Variants in NEO1 observed in about 807,000 individuals in gnomAD.
The protein encoded by NEO1 is neogenin.
A neutral mutation model predicts 159.7 loss-of-function variants in NEO1; 63 were observed. The observed-to-expected ratio is 0.39, with a 90% CI of 0.32 to 0.49. The LOEUF is 0.49. NEO1 is among the 20% of genes least tolerant of loss of function. NEO1 has a pLI of 0.85. For missense variants in NEO1, 1,615 were observed against 1,831.0 expected, an observed-to-expected ratio of 0.88 and a Z score of 2.15; for synonymous variants, 633 against 662.0, an observed-to-expected ratio of 0.96 and a Z score of 0.67.
intron 13 of NEO1, among the ~76,000 whole-genome samples, chr15:73,258,028 A>G (rs2040450243): frequency 6.6e-6 from 1 of 152,198 alleles, no homozygotes; most frequent in Non-Finnish European, 1.5e-5. Context: ...TTAGCTAACC[A>G]AACCAGGGCT....
chr15:73,257,132 C>CAATAAA (rs2040396915), intron 13 of NEO1, among the ~76,000 whole-genome samples: 1 of 54,768 alleles, frequency 1.8e-5, no homozygotes, highest in African/African-American at 5.8e-5. Flanking sequence ...ACTCTGTCTC[C>CAATAAA]AAAAAAAAAA....
intron 7 of NEO1, among the ~76,000 whole-genome samples, chr15:73,218,483 A>T (rs1453694811): frequency 6.6e-6 from 1 of 152,074 alleles, no homozygotes; most frequent in African/African-American, 2.4e-5. Flanking sequence ...ATTGATTGGA[A>T]TAGTTTCAGA....
intron 1 of NEO1, among the ~76,000 whole-genome samples, chr15:73,094,996 G>A (rs1303344435): frequency 6.6e-6 from 1 of 152,092 alleles, no homozygotes; most frequent in Non-Finnish European, 1.5e-5. Context: ...GGATCACGAG[G>A]TCAAGAGATT....
chr15:73,304,121 C>G lies in NEO1; in HGVS notation c.*1425C>G, dbSNP rs552135842. The G allele has an allele frequency of 2.0e-5, 3 of 152,308 alleles. No homozygotes were observed. Among genetic ancestry groups the G allele is most frequent in the South Asian group, 2.1e-4 (1 of 4,820 alleles). 9.4% of individuals were successfully genotyped at this position (152,308 alleles called of 1,614,324 possible). On this transcript the variant is annotated 3_prime_UTR_variant, in exon 29 of 29. Transcript: ENST00000261908. ...AGCGGAAACAGCTGCCCACCCCCCC[C>G]ATCCCAGCAGCTCAGCTAAGCCCTG...
intron 5 of NEO1, among the ~76,000 whole-genome samples, chr15:73,175,153 A>G (rs2035210393): frequency 6.6e-6 from 1 of 152,202 alleles, no homozygotes; most frequent in Non-Finnish European, 1.5e-5. Context: ...GTCTCTACTC[A>G]CATACAAGCA....
chr15:73,154,655 T>A (rs991805377), intron 5 of NEO1, among the ~76,000 whole-genome samples: 6 of 152,228 alleles, frequency 3.9e-5, no homozygotes, highest in African/African-American at 1.4e-4. Flanking sequence ...TTATCTGATA[T>A]GAGCGTAGCT....
At chr15:73,131,929 G>A (rs1311750250) in intron 4 of NEO1, among the ~76,000 whole-genome samples, 2 of 152,148 alleles carry the variant, frequency 1.3e-5, no homozygotes, top group Admixed American at 1.3e-4. Flanking sequence ...CTATCTTTCT[G>A]AAATATTTTT....
intron 14 of NEO1, 148 bp downstream of exon 14, chr15:73,259,024 G>A (rs944563822): frequency 4.9e-5 from 31 of 629,144 alleles, no homozygotes; most frequent in South Asian, 1.9e-4. Context: ...GTATTGCATC[G>A]AGGCTGCTGG....
intron 1 of NEO1, among the ~76,000 whole-genome samples, chr15:73,065,598 G>T (rs1162349979): frequency 1.3e-5 from 2 of 152,108 alleles, no homozygotes; most frequent in Non-Finnish European, 2.9e-5. Context: ...TGAGTAATGT[G>T]CTTACCTCCC....
At chr15:73,167,771 T>C (rs984317097) in intron 5 of NEO1, among the ~76,000 whole-genome samples, 7 of 152,348 alleles carry the variant, frequency 4.6e-5, no homozygotes, top group Non-Finnish European at 1.0e-4. Flanking sequence ...AAAATTGATA[T>C]ATAGAATACA....
At chr15:73,137,592 G>A (rs2031905931) in intron 5 of NEO1, among the ~76,000 whole-genome samples, 1 of 152,132 alleles carries the variant, frequency 6.6e-6, no homozygotes, top group Non-Finnish European at 1.5e-5. Flanking sequence ...GACCTCCTGG[G>A]TTCAAGCGAT....
At chr15:73,264,935 A>G (rs2040814249) in intron 15 of NEO1, among the ~76,000 whole-genome samples, 1 of 152,228 alleles carries the variant, frequency 6.6e-6, no homozygotes, top group Non-Finnish European at 1.5e-5. Context: ...AATAATTGAA[A>G]TTGTTCACGG....
chr15:73,099,948 T>C (rs541543726), intron 1 of NEO1, among the ~76,000 whole-genome samples: 1 of 152,326 alleles, frequency 6.6e-6, no homozygotes, highest in Non-Finnish European at 1.5e-5. Flanking sequence ...ACTTTTCTTG[T>C]TCACTATCAT....
intron 25 of NEO1, among the ~76,000 whole-genome samples, chr15:73,291,342 A>T (rs2042157521): frequency 6.6e-6 from 1 of 152,180 alleles, no homozygotes; most frequent in Non-Finnish European, 1.5e-5. Flanking sequence ...AGTAAAAAAG[A>T]TATGTTGTCC....
At chr15:73,149,192 G>A (rs754505661) in intron 5 of NEO1, among the ~76,000 whole-genome samples, 1 of 151,950 alleles carries the variant, frequency 6.6e-6, no homozygotes, top group Non-Finnish European at 1.5e-5. Flanking sequence ...GCAGGTGACT[G>A]TAATCCCAGC....
Position 73,239,838 on chromosome 15 carries a change from C to T in NEO1, c.1451+3332C>T, listed in dbSNP as rs537593004. Among the ~76,000 whole-genome samples, 23 of 152,266 alleles carry T rather than the reference C, an allele frequency of 1.5e-4. No individual in the cohort carries two copies. In the South Asian group the frequency reaches 4.4e-3, roughly 29 times the overall value. Reference sequence around the variant, plus strand: ...GTATGTATACCCGTAAGTATGGTGGCAGCAGTTTTTTTTAAATGACCTGTC... The same window carrying T: ...GTATGTATACCCGTAAGTATGGTGGTAGCAGTTTTTTTTAAATGACCTGTC... On this transcript the variant is annotated intron_variant, in intron 8 of 28. Transcript: ENST00000261908.
Position 73,098,819 on chromosome 15 carries a change from A to G in NEO1, c.131-17721A>G, listed in dbSNP as rs188564340. On this transcript the variant is annotated intron_variant, in intron 1 of 28. Coordinates refer to ENST00000261908, the MANE Select transcript of NEO1 (RefSeq NM_002499.4). ...GGGTAAATGCATATATAATTGCGCT[A>G]GATTTTGCAGATTTTCCTCTATAGT... Among the ~76,000 whole-genome samples the G allele has an allele frequency of 2.4e-3, 363 of 152,292 alleles. 3 individuals are homozygous for G. Among genetic ancestry groups the G allele is most frequent in the African/African-American group, 7.5e-3 (311 of 41,554 alleles).
At chr15:73,266,481 C>T in intron 16 of NEO1, 70 bp downstream of exon 16, 1 of 1,157,312 alleles carries the variant, frequency 8.6e-7, no homozygotes, top group Non-Finnish European at 1.2e-6. Flanking sequence ...TGGCATGAGG[C>T]CTATCCCATA....
chr15:73,122,094 T>TAC lies in NEO1; in HGVS notation c.449-427_449-426dup, dbSNP rs1555431599. Among the ~76,000 whole-genome samples the TAC allele has an allele frequency of 1.8e-4, 19 of 103,772 alleles. No homozygotes were observed. The East Asian group carries it at 2.0e-3, about 11-fold the overall frequency. 68.1% of individuals were successfully genotyped at this position (103,772 alleles called of 152,430 possible). ...ATATATATATATATATATATATATA[T>TAC]ACACATTATATATATTATATATATG... On this transcript the variant is annotated intron_variant, in intron 2 of 28. Coordinates refer to ENST00000261908, the MANE Select transcript of NEO1 (RefSeq NM_002499.4).
Sources: allele counts gnomAD v4.1 joint callset (sites outside exome capture counted in the v4.1 genomes callset), GRCh38; gene constraint gnomAD v4.1.1; transcripts MANE v1.5; gene names NCBI Gene and HGNC (gene_info 2026-07-23, HGNC 2026-07-21).